COL13A1: variants seen among roughly 807,000 people sequenced by gnomAD.
COL13A1 encodes collagen type XIII alpha 1 chain, also known as collagen alpha-1(XIII) chain.
Under a neutral mutation model 130.9 loss-of-function variants are expected in COL13A1, and 89 were observed. The ratio of observed to expected loss-of-function variants is 0.68; its 90% CI spans 0.57 to 0.81. The LOEUF (loss-of-function observed/expected upper bound fraction) is 0.81, where lower values mean the gene tolerates loss of function less well. Ranked by LOEUF, COL13A1 falls within the 30% of genes least tolerant of loss-of-function variation. The pLI, the probability that COL13A1 is intolerant of heterozygous loss-of-function variation, is 0.00. For missense variants in COL13A1, 879 were observed against 934.6 expected (o/e 0.94, Z 0.78); for synonymous variants, 402 against 341.6 (o/e 1.18, Z -1.95).
In COL13A1 at chr10:69,935,366, G is replaced by A. The variant is rs1268117386; in HGVS notation, c.1745G>A (p.Gly582Glu). The A allele has an allele frequency of 1.9e-6, 3 of 1,576,546 alleles. No homozygotes were observed. Among genetic ancestry groups the A allele is most frequent in the Non-Finnish European group, 2.6e-6 (3 of 1,160,556 alleles). ...GGCTTTTAGGTTCCTGGGCTGCCAG[G>A]GCCAGAGGGGCCTCCCGGACCTCCG... is the stretch of plus-strand genomic sequence containing the variant. Reference protein sequence around the residue: ...NPGAEVPGLPGPEGPPGPPGL... With the variant: ...NPGAEVPGLPEPEGPPGPPGL... The change falls in exon 32 of 41, where the codon GGG (glycine) becomes GAG (glutamate). Residue 582 changes from glycine to glutamate, a missense_variant. This residue lies in a region of COL13A1 where 96 missense variants were observed against 147.7 expected (regional missense o/e 0.65). Transcript: ENST00000645393.
chr10:69,811,764 C>G (rs1014779839), intron 1 of COL13A1, among the ~76,000 whole-genome samples: 2 of 151,524 alleles, frequency 1.3e-5, no homozygotes, highest in African/African-American at 4.9e-5. Flanking sequence ...CTCTTAATGT[C>G]GTCAGAGGCC....
chr10:69,953,108 G>A, intron 39 of COL13A1, 140 bp downstream of exon 39: 1 of 564,048 alleles, frequency 1.8e-6, no homozygotes, highest in Non-Finnish European at 2.9e-6. Context: ...TCATTTGACT[G>A]GTGAAATTCT....
intron 17 of COL13A1, among the ~76,000 whole-genome samples, chr10:69,911,414 A>C (rs1365593808): frequency 1.3e-5 from 2 of 152,226 alleles, no homozygotes; most frequent in Non-Finnish European, 2.9e-5. Context: ...GGTTTTACTC[A>C]ATTCCCAACT....
At chr10:69,915,398 T>C (rs573333850) in intron 17 of COL13A1, among the ~76,000 whole-genome samples, 2 of 152,268 alleles carry the variant, frequency 1.3e-5, no homozygotes, top group African/African-American at 4.8e-5. Context: ...CAGGGGTCAC[T>C]GGTGGGGTCA....
At chr10:69,834,096 T>C (rs1849459940) in intron 2 of COL13A1, among the ~76,000 whole-genome samples, 1 of 152,168 alleles carries the variant, frequency 6.6e-6, no homozygotes, top group Non-Finnish European at 1.5e-5. Flanking sequence ...GGCCAGTTTT[T>C]CCATGTATGG....
chr10:69,957,129 T>C, intron 40 of COL13A1, 87 bp downstream of exon 40: 1 of 1,203,782 alleles, frequency 8.3e-7, no homozygotes. Flanking sequence ...TTGCTACAGA[T>C]GAGGCAGCAA....
intron 2 of COL13A1, among the ~76,000 whole-genome samples, chr10:69,828,836 A>G (rs1848135685): frequency 6.6e-6 from 1 of 152,252 alleles, no homozygotes; most frequent in Admixed American, 6.5e-5. Flanking sequence ...GTGCAAACAG[A>G]CCAAGATGTA....
intron 14 of COL13A1, among the ~76,000 whole-genome samples, chr10:69,899,070 T>C (rs995594628): frequency 2.0e-5 from 3 of 152,224 alleles, no homozygotes; most frequent in African/African-American, 7.2e-5. Context: ...GAATTAGGCA[T>C]GATCATCCTT....
At chr10:69,929,064 C>T in intron 28 of COL13A1, 65 bp downstream of exon 28, 2 of 1,254,350 alleles carry the variant, frequency 1.6e-6, no homozygotes, top group Non-Finnish European at 2.3e-6. Context: ...GGCTTCCCCT[C>T]CCCCTGTGAC....
At chr10:69,868,476 A>G (rs1196998245) in intron 3 of COL13A1, among the ~76,000 whole-genome samples, 1 of 152,206 alleles carries the variant, frequency 6.6e-6, no homozygotes, top group Non-Finnish European at 1.5e-5. Context: ...GAGCCCAAGG[A>G]GACTGCCTCC....
At chr10:69,915,406 T>C (rs1486822804) in intron 17 of COL13A1, among the ~76,000 whole-genome samples, 1 of 152,110 alleles carries the variant, frequency 6.6e-6, no homozygotes, top group Non-Finnish European at 1.5e-5. Context: ...ACTGGTGGGG[T>C]CATGCTGAGA....
chr10:69,917,212 A>G (rs935888405), intron 17 of COL13A1, 77 bp from the exon 18 acceptor site: 2 of 1,578,862 alleles, frequency 1.3e-6, no homozygotes, highest in African/African-American at 1.3e-5. Context: ...CAGACAAGAC[A>G]TTCTCACCGA....
intron 35 of COL13A1, among the ~76,000 whole-genome samples, chr10:69,942,676 A>T (rs34507493): frequency 0.11 from 16,156 of 152,266 alleles, 985 homozygotes; most frequent in Middle Eastern, 0.23. Context: ...CTTGCTACGC[A>T]TTCATGCATG....
In COL13A1 at chr10:69,904,947, T is replaced by C. The variant is rs762253201; in HGVS notation, c.873T>C (p.Pro291=). The C allele has an allele frequency of 5.2e-6, 8 of 1,526,490 alleles. No individual in the cohort carries two copies. In the African/African-American group the frequency reaches 1.1e-4, roughly 22 times the overall value. The allele number at this position is 1,526,490 out of a possible 1,614,324, so 94.6% of individuals were successfully genotyped here. A position where few individuals can be genotyped will look rare whatever the true frequency, so the allele number is the denominator to read the frequency against. The change falls in exon 16 of 41, where the codon CCT becomes CCC. Residue 291 remains proline (P), a synonymous_variant. Coordinates refer to ENST00000645393, the MANE Select transcript of COL13A1 (RefSeq NM_001368882.1). ...TGCTTCCACAGGGCTTACCTGGGCCTCCTGGACCAAAGGTGAGTGTCCTTC... is the reference window on the plus strand; with the variant it reads ...TGCTTCCACAGGGCTTACCTGGGCCCCCTGGACCAAAGGTGAGTGTCCTTC... ...GPMGPPGLPG[P]PGPKGDPGIQ...
At chr10:69,936,511 G>A (rs942186480) in intron 32 of COL13A1, among the ~76,000 whole-genome samples, 7 of 152,106 alleles carry the variant, frequency 4.6e-5, no homozygotes, top group African/African-American at 1.7e-4. Context: ...GAGACTCTGG[G>A]TCAACCATGA....
At chr10:69,955,042 G>T (rs1036120141) in intron 39 of COL13A1, 1 of 152,168 alleles carries the variant, frequency 6.6e-6, no homozygotes, top group African/African-American at 2.4e-5. Flanking sequence ...TCCCCAATAG[G>T]TTTGGAGTTC....
intron 2 of COL13A1, among the ~76,000 whole-genome samples, chr10:69,840,757 C>A (rs998000578): frequency 1.3e-5 from 2 of 152,116 alleles, no homozygotes; most frequent in Non-Finnish European, 2.9e-5. Flanking sequence ...CCCTCAAAGG[C>A]CCCTGAGAGG....
In COL13A1 at chr10:69,803,544, CA is replaced by C. The variant is rs142962478; in HGVS notation, c.294+828del. ...TGATGATCTGTGGGAATCTGGACAG[CA>C]CAGGGGATTCAGGGCCCAGATAGAG... On this transcript the variant is annotated intron_variant, in intron 1 of 40. Coordinates refer to ENST00000645393, the MANE Select transcript of COL13A1 (RefSeq NM_001368882.1). 5.5e-3 allele frequency among the ~76,000 whole-genome samples: 836 copies of C among 152,222 alleles called. 2 individuals carry two copies. Among genetic ancestry groups the C allele is most frequent in the African/African-American group, 0.019 (780 of 41,518 alleles).
At chr10:69,939,286 G>A (rs1055313231) in intron 34 of COL13A1, among the ~76,000 whole-genome samples, 6 of 152,276 alleles carry the variant, frequency 3.9e-5, no homozygotes, top group East Asian at 1.9e-4. Context: ...GGAGGAAGGC[G>A]GAGCTGGTAT....
Sources: gnomAD v4.1 joint callset for allele counts (sites outside exome capture counted in the v4.1 genomes callset) on GRCh38, gnomAD v4.1.1 for gene constraint, gnomAD v4.1.1 regional missense constraint, MANE v1.5 for transcripts, NCBI Gene and HGNC (gene_info 2026-07-23, HGNC 2026-07-21) for gene names.